Variants in LKAAEAR1 observed in about 807,000 individuals in gnomAD.
The protein encoded by LKAAEAR1 is LKAAEAR motif containing 1.
Under a neutral mutation model 16.5 loss-of-function variants are expected in LKAAEAR1, and 19 were observed. The ratio of observed to expected loss-of-function variants is 1.15; its 90% confidence interval spans 0.80 to 1.69. The LOEUF is 1.69. Ranked by LOEUF, LKAAEAR1 falls within the 40% of genes most tolerant of loss-of-function variation. The pLI, the probability that LKAAEAR1 is intolerant of heterozygous loss-of-function variation, is 0.00. For synonymous variants in LKAAEAR1, 124 were observed against 152.7 expected, an observed-to-expected ratio of 0.81 and a Z score of 1.39; for missense variants, 304 against 315.8, an observed-to-expected ratio of 0.96 and a Z score of 0.28.
In LKAAEAR1 at chr20:64,083,883, C is replaced by A. The variant is rs2060004911; in HGVS notation, c.337G>T (p.Val113Phe). The A allele has an allele frequency of 7.0e-7, 1 of 1,438,532 alleles. No individual in the cohort carries two copies. The highest frequency in any genetic ancestry group is 9.1e-7 in the Non-Finnish European group (1 of 1,102,710). 89.1% of individuals were successfully genotyped at this position (1,438,532 alleles called of 1,614,324 possible). A position where few individuals can be genotyped will look rare whatever the true frequency, so the allele number is the denominator to read the frequency against. ...CCGCGGGCCTCCGCTGCCTTGAGGA[C>A]GCCGAGGAGCCGGTTCTGGCGCTCG... ...PAERQNRLLG[V>F]LKAAEARGRV... The change falls in exon 1 of 3, where the codon GTC becomes TTC. Residue 113 changes from valine to phenylalanine, a missense_variant. By Grantham distance (50) the Val-to-Phe change is conservative (BLOSUM62 -1). Transcript: ENST00000302096. This position sits in a 1 kb window ranked among gnomAD's most constrained non-coding sequence, Gnocchi z 4.9.
chr20:64,084,048 G>A lies in LKAAEAR1; in HGVS notation c.172C>T (p.Gln58Ter), dbSNP rs755866413. 6.7e-7 allele frequency: 1 copy of A among 1,501,082 alleles called. No individual in the cohort carries two copies. The highest frequency in any genetic ancestry group is 8.8e-7 in the Non-Finnish European group (1 of 1,135,518). 93.0% of individuals were successfully genotyped at this position (1,501,082 alleles called of 1,614,324 possible). ...PQGLAAMLPAQRHRHLLFGDL... is the reference protein window; with the variant it reads ...PQGLAAMLPA ...CCGAAGAGCAGATGGCGGTGGCGCT[G>A]CGCAGGGAGCATGGCCGCCAGTCCC... The change falls in exon 1 of 3, where the codon CAG (glutamine) becomes TAG (stop). Residue 58 changes from glutamine (Q) to a stop codon, truncating the protein, a stop_gained. Coordinates refer to ENST00000302096, the MANE Select transcript of LKAAEAR1 (RefSeq NM_001353425.2). LOFTEE classifies it high-confidence loss of function.
At position 64,083,882 on chromosome 20, in the gene LKAAEAR1, A is replaced by G. The variant is rs2060004860; in HGVS notation, c.338T>C (p.Val113Ala). The change falls in exon 1 of 3, where the codon GTC becomes GCC. Residue 113 changes from valine to alanine, a missense_variant. By Grantham distance (64) the Val-to-Ala change is moderately conservative. Transcript: ENST00000302096. The surrounding 1 kb of genome is among the most constrained non-coding windows in gnomAD (Gnocchi z 4.9). ...CCCGCGGGCCTCCGCTGCCTTGAGGACGCCGAGGAGCCGGTTCTGGCGCTC... is the reference window on the plus strand; with the variant it reads ...CCCGCGGGCCTCCGCTGCCTTGAGGGCGCCGAGGAGCCGGTTCTGGCGCTC... ...PAERQNRLLG[V>A]LKAAEARGRV... 5 of 1,438,188 alleles carry G rather than the reference A, an allele frequency of 3.5e-6. No individual in the cohort carries two copies. Among genetic ancestry groups the G allele is most frequent in the African/African-American group, 1.5e-5 (1 of 66,854 alleles). 89.1% of individuals were successfully genotyped at this position (1,438,188 alleles called of 1,614,324 possible). A position where few individuals can be genotyped will look rare whatever the true frequency, so the allele number is the denominator to read the frequency against.
chr20:64,083,965 T>C lies in LKAAEAR1; in HGVS notation c.255A>G (p.Glu85=). The change falls in exon 1 of 3, where the codon GAA becomes GAG. Residue 85 remains glutamate, a synonymous_variant. Transcript: ENST00000302096. The surrounding 1 kb of genome is among the most constrained non-coding windows in gnomAD (Gnocchi z 4.9). ...AASTFPCGSV[E]PGYRMPDPRP... ...GCGGGTCGGGCATGCGGTACCCCGGTTCCACCGACCCGCACGGGAAGGTGG... is the reference window on the plus strand; with the variant it reads ...GCGGGTCGGGCATGCGGTACCCCGGCTCCACCGACCCGCACGGGAAGGTGG... 1 of 1,468,212 alleles carries C rather than the reference T, an allele frequency of 6.8e-7. No individual in the cohort carries two copies. The highest frequency in any genetic ancestry group is 9.0e-7 in the Non-Finnish European group (1 of 1,117,278). The allele number at this position is 1,468,212 out of a possible 1,614,324, so 90.9% of individuals were successfully genotyped here. A position where few individuals can be genotyped will look rare whatever the true frequency, so the allele number is the denominator to read the frequency against.
rs1383888995 is a variant in LKAAEAR1 at position 64,083,591 on chromosome 20, G to C, written c.517C>G (p.Arg173Gly). Reference protein sequence around the residue: ...KPARIPDPLDRQERRRVETIL... With the variant: ...KPARIPDPLDGQERRRVETIL... ...CCGGGGCTTGTCTGCACCTCTTGGC[G>C]GTCCAGGGGGTCCGGGATCCGCGCG... Residue 173 changes from arginine to glycine, a missense_variant, in exon 2 of 3, where the codon CGC becomes GGC. Arg to Gly is a moderately radical substitution (Grantham distance 125). Coordinates refer to ENST00000302096, the MANE Select transcript of LKAAEAR1 (RefSeq NM_001353425.2). This position sits in a 1 kb window ranked among gnomAD's most constrained non-coding sequence, Gnocchi z 4.9. 2 of 1,491,758 alleles carry C rather than the reference G, an allele frequency of 1.3e-6. No individual in the cohort carries two copies. Among genetic ancestry groups the C allele is most frequent in the East Asian group, 2.6e-5 (1 of 38,382 alleles). The allele number at this position is 1,491,758 out of a possible 1,614,324, so 92.4% of individuals were successfully genotyped here. A position where few individuals can be genotyped will look rare whatever the true frequency, so the allele number is the denominator to read the frequency against.
Position 64,083,585 on chromosome 20 carries a change from C to T in LKAAEAR1, c.523G>A (p.Glu175Lys). ...CCCCTACCGGGGCTTGTCTGCACCT[C>T]TTGGCGGTCCAGGGGGTCCGGGATC... ...ARIPDPLDRQ[E>K]RRRVETILEE... Residue 175 changes from glutamate to lysine, a missense_variant and splice_region_variant, in exon 2 of 3, where the codon GAG (glutamate) becomes AAG (lysine). Transcript: ENST00000302096. The surrounding 1 kb of genome is among the most constrained non-coding windows in gnomAD (Gnocchi z 4.9). 1 of 1,510,594 alleles carries T rather than the reference C, an allele frequency of 6.6e-7. No homozygotes were observed. Among genetic ancestry groups the T allele is most frequent in the Non-Finnish European group, 8.9e-7 (1 of 1,128,786 alleles). The allele number at this position is 1,510,594 out of a possible 1,614,324, so 93.6% of individuals were successfully genotyped here. A position where few individuals can be genotyped will look rare whatever the true frequency, so the allele number is the denominator to read the frequency against.
At position 64,084,049 on chromosome 20, in the gene LKAAEAR1, C is replaced by T. The variant is rs898384568; in HGVS notation, c.171G>A (p.Ala57=). The change falls in exon 1 of 3, where the codon GCG becomes GCA. Residue 57 remains alanine, a synonymous_variant. Transcript: ENST00000302096. ...TPQGLAAMLP[A]QRHRHLLFGD... ...CGAAGAGCAGATGGCGGTGGCGCTG[C>T]GCAGGGAGCATGGCCGCCAGTCCCT... The T allele has an allele frequency of 6.7e-7, 1 of 1,501,232 alleles. No individual in the cohort carries two copies. Among genetic ancestry groups the T allele is most frequent in the Non-Finnish European group, 8.8e-7 (1 of 1,135,584 alleles). 93.0% of individuals were successfully genotyped at this position (1,501,232 alleles called of 1,614,324 possible). A position where few individuals can be genotyped will look rare whatever the true frequency, so the allele number is the denominator to read the frequency against.
rs1243672643 is a variant in LKAAEAR1 at position 64,083,719 on chromosome 20, G to A, written c.403-14C>T. 7.3e-7 allele frequency: 1 copy of A among 1,362,770 alleles called. No individual in the cohort carries two copies. The highest frequency in any genetic ancestry group is 3.9e-5 in the Admixed American group (1 of 25,530). 84.4% of individuals were successfully genotyped at this position (1,362,770 alleles called of 1,614,324 possible). A position where few individuals can be genotyped will look rare whatever the true frequency, so the allele number is the denominator to read the frequency against. ...GATCTCCTCGGCCTGCGGGGCCCGG[G>A]TAGCTGAGCGCGCGCCGAGCCCCGC... On this transcript the variant is annotated splice_polypyrimidine_tract_variant and intron_variant, in intron 1 of 2. Coordinates refer to ENST00000302096, the MANE Select transcript of LKAAEAR1 (RefSeq NM_001353425.2). This position sits in a 1 kb window ranked among gnomAD's most constrained non-coding sequence, Gnocchi z 4.9.
At position 64,083,494 on chromosome 20, in the gene LKAAEAR1, G is replaced by T; in HGVS notation, c.526C>A (p.Arg176=). 1.3e-6 allele frequency: 2 copies of T among 1,590,172 alleles called. No homozygotes were observed. The highest frequency in any genetic ancestry group is 8.5e-7 in the Non-Finnish European group (1 of 1,169,692). ...RIPDPLDRQE[R]RRVETILEEN... ...TCCAGGATGGTCTCCACGCGCCTCCGCTGCCGGGGAGAGAGGCTGGGGTCC... is the reference window on the plus strand; with the variant it reads ...TCCAGGATGGTCTCCACGCGCCTCCTCTGCCGGGGAGAGAGGCTGGGGTCC... Residue 176 remains arginine, a splice_region_variant and synonymous_variant, in exon 3 of 3, where the codon CGG becomes AGG. Transcript: ENST00000302096. This position sits in a 1 kb window ranked among gnomAD's most constrained non-coding sequence, Gnocchi z 4.9.
rs1407918553 is a variant in LKAAEAR1 at position 64,083,752 on chromosome 20, C to T, written c.403-47G>A. 1 of 1,336,202 alleles carries T rather than the reference C, an allele frequency of 7.5e-7. No individual in the cohort carries two copies. Among genetic ancestry groups the T allele is most frequent in the Non-Finnish European group, 9.5e-7 (1 of 1,049,574 alleles). 82.8% of individuals were successfully genotyped at this position (1,336,202 alleles called of 1,614,324 possible). A position where few individuals can be genotyped will look rare whatever the true frequency, so the allele number is the denominator to read the frequency against. ...GCGCGCGCCGAGCCCCGCCCCGCCC[C>T]GCCCCGGCCGGCTCCGCTCAACGCT... On this transcript the variant is annotated intron_variant, in intron 1 of 2. Coordinates refer to ENST00000302096, the MANE Select transcript of LKAAEAR1 (RefSeq NM_001353425.2). This position sits in a 1 kb window ranked among gnomAD's most constrained non-coding sequence, Gnocchi z 4.9.
At position 64,084,284 on chromosome 20, in the gene LKAAEAR1, G is replaced by A. The variant is rs1394672419; in HGVS notation, c.-65C>T. 2.3e-6 allele frequency: 3 copies of A among 1,308,706 alleles called. No individual in the cohort carries two copies. The highest frequency in any genetic ancestry group is 1.6e-5 in the African/African-American group (1 of 64,372). 81.1% of individuals were successfully genotyped at this position (1,308,706 alleles called of 1,614,324 possible). ...CCGGGGCTGGCACCGGGCCCTGCCC[G>A]CCCCTCGGCAGGGCCCCAACGTGCG... On this transcript the variant is annotated 5_prime_UTR_variant, in exon 1 of 3. Coordinates refer to ENST00000302096, the MANE Select transcript of LKAAEAR1 (RefSeq NM_001353425.2).
Position 64,084,376 on chromosome 20 carries a change from T to G in LKAAEAR1, c.-157A>C. 7.8e-7 allele frequency: 1 copy of G among 1,278,140 alleles called. No homozygotes were observed. Among genetic ancestry groups the G allele is most frequent in the Non-Finnish European group, 9.9e-7 (1 of 1,014,906 alleles). 79.2% of individuals were successfully genotyped at this position (1,278,140 alleles called of 1,614,324 possible). A position where few individuals can be genotyped will look rare whatever the true frequency, so the allele number is the denominator to read the frequency against. ...GTTCCGCACCCCCAGCCTCTGAGCT[T>G]TGCCCAGGCGCTCTCCCTCTCCCAA... On this transcript the variant is annotated 5_prime_UTR_variant, in exon 1 of 3. Coordinates refer to ENST00000302096, the MANE Select transcript of LKAAEAR1 (RefSeq NM_001353425.2).
At position 64,083,757 on chromosome 20, in the gene LKAAEAR1, C is replaced by G. The variant is rs547432659; in HGVS notation, c.403-52G>C. Reference sequence around the variant, plus strand: ...CGCCGAGCCCCGCCCCGCCCCGCCCCGGCCGGCTCCGCTCAACGCTCCCGG... The same window carrying G: ...CGCCGAGCCCCGCCCCGCCCCGCCCGGGCCGGCTCCGCTCAACGCTCCCGG... On this transcript the variant is annotated intron_variant, in intron 1 of 2. Coordinates refer to ENST00000302096, the MANE Select transcript of LKAAEAR1 (RefSeq NM_001353425.2). This position sits in a 1 kb window ranked among gnomAD's most constrained non-coding sequence, Gnocchi z 4.9. The G allele has an allele frequency of 1.6e-4, 213 of 1,333,392 alleles. No individual in the cohort carries two copies. Among genetic ancestry groups the G allele is most frequent in the Admixed American group, 5.4e-4 (13 of 24,278 alleles). The allele number at this position is 1,333,392 out of a possible 1,614,324, so 82.6% of individuals were successfully genotyped here.
chr20:64,083,912 G>A lies in LKAAEAR1; in HGVS notation c.308C>T (p.Pro103Leu), dbSNP rs991574598. The A allele has an allele frequency of 1.4e-5, 20 of 1,447,334 alleles. No homozygotes were observed. Among genetic ancestry groups the A allele is most frequent in the African/African-American group, 1.0e-4 (7 of 67,358 alleles). The allele number at this position is 1,447,334 out of a possible 1,614,324, so 89.7% of individuals were successfully genotyped here. A position where few individuals can be genotyped will look rare whatever the true frequency, so the allele number is the denominator to read the frequency against. Reference sequence around the variant, plus strand: ...GAGGAGCCGGTTCTGGCGCTCGGCGGGCAGCTCGAGCGACTGCGTCCACGG... The same window carrying A: ...GAGGAGCCGGTTCTGGCGCTCGGCGAGCAGCTCGAGCGACTGCGTCCACGG... ...PRPWTQSLEL[P>L]AERQNRLLGV... Residue 103 changes from proline to leucine, a missense_variant, in exon 1 of 3, where the codon CCC becomes CTC. Transcript: ENST00000302096. The surrounding 1 kb of genome is among the most constrained non-coding windows in gnomAD (Gnocchi z 4.9).
In LKAAEAR1 at chr20:64,083,636, G is replaced by A. The variant is rs1055945116; in HGVS notation, c.472C>T (p.Leu158=). The stretch of plus-strand genomic sequence containing the variant: ...CGCGCGGGCTTCAGCTGCGGCGGCA[G>A]GAACAGCTCCAGCCGGATGGCGGCG... The part of the protein sequence containing the change: ...ARAAIRLELF[L]PPQLKPARIP... Residue 158 remains leucine, a synonymous_variant, in exon 2 of 3, where the codon CTG becomes TTG. Transcript: ENST00000302096. The surrounding 1 kb of genome is among the most constrained non-coding windows in gnomAD (Gnocchi z 4.9). 6 of 1,471,072 alleles carry A rather than the reference G, an allele frequency of 4.1e-6. No individual in the cohort carries two copies. Among genetic ancestry groups the A allele is most frequent in the Non-Finnish European group, 5.4e-6 (6 of 1,114,286 alleles). The allele number at this position is 1,471,072 out of a possible 1,614,324, so 91.1% of individuals were successfully genotyped here.
Position 64,083,680 on chromosome 20 carries a change from T to A in LKAAEAR1, c.428A>T (p.Gln143Leu). The change falls in exon 2 of 3, where the codon CAG (glutamine) becomes CTG (leucine). Residue 143 changes from glutamine (Q) to leucine (L), a missense_variant. Physicochemically the swap from Gln to Leu is moderately radical, Grantham distance 113. Coordinates refer to ENST00000302096, the MANE Select transcript of LKAAEAR1 (RefSeq NM_001353425.2). The surrounding 1 kb of genome is among the most constrained non-coding windows in gnomAD (Gnocchi z 4.9). ...GGCGGCGCGCGCGGACTTCTGCCGC[T>A]GGATGAGCAGCGCGATCTCCTCGGC... is the stretch of plus-strand genomic sequence containing the variant. ...MRAEEIALLIQRQKSARAAIR... is the reference protein window; with the variant it reads ...MRAEEIALLILRQKSARAAIR... The A allele has an allele frequency of 7.0e-7, 1 of 1,424,732 alleles. No homozygotes were observed. Among genetic ancestry groups the A allele is most frequent in the Non-Finnish European group, 9.1e-7 (1 of 1,096,802 alleles). The allele number at this position is 1,424,732 out of a possible 1,614,324, so 88.3% of individuals were successfully genotyped here.
At position 64,084,264 on chromosome 20, in the gene LKAAEAR1, G is replaced by A. The variant is rs2060016470; in HGVS notation, c.-45C>T. On this transcript the variant is annotated 5_prime_UTR_variant, in exon 1 of 3. Coordinates refer to ENST00000302096, the MANE Select transcript of LKAAEAR1 (RefSeq NM_001353425.2). ...AGGAGGGCGTCCCGTCGGTGCCGGGGCTGGCACCGGGCCCTGCCCGCCCCT... is the reference window on the plus strand; with the variant it reads ...AGGAGGGCGTCCCGTCGGTGCCGGGACTGGCACCGGGCCCTGCCCGCCCCT... 7.5e-7 allele frequency: 1 copy of A among 1,339,230 alleles called. No homozygotes were observed. Among genetic ancestry groups the A allele is most frequent in the Non-Finnish European group, 9.5e-7 (1 of 1,050,508 alleles). The allele number at this position is 1,339,230 out of a possible 1,614,324, so 83.0% of individuals were successfully genotyped here. A position where few individuals can be genotyped will look rare whatever the true frequency, so the allele number is the denominator to read the frequency against.
upstream of LKAAEAR1, chr20:64,084,437 C>G: frequency 1.7e-6 from 2 of 1,204,466 alleles, no homozygotes; most frequent in South Asian, 3.0e-5. Context: ...TCGGCTGATC[C>G]TGCTCAGTCC....
In LKAAEAR1 at chr20:64,084,086, G is replaced by A. The variant is rs745746996; in HGVS notation, c.134C>T (p.Ala45Val). 104 of 1,486,862 alleles carry A rather than the reference G, an allele frequency of 7.0e-5. 1 individual carries two copies. Among genetic ancestry groups the A allele is most frequent in the Non-Finnish European group, 8.5e-5 (96 of 1,127,426 alleles). 92.1% of individuals were successfully genotyped at this position (1,486,862 alleles called of 1,614,324 possible). A position where few individuals can be genotyped will look rare whatever the true frequency, so the allele number is the denominator to read the frequency against. Residue 45 changes from alanine (A) to valine (V), a missense_variant, in exon 1 of 3, where the codon GCC becomes GTC. Physicochemically the swap from Ala to Val is moderately conservative, Grantham distance 64. Coordinates refer to ENST00000302096, the MANE Select transcript of LKAAEAR1 (RefSeq NM_001353425.2). ...GGCCGCCAGTCCCTGCGGCGTCAGG[G>A]CCCAGCCCGGCTTGGGGGGCTCTGT... ...PATEPPKPGWALTPQGLAAML... is the reference protein window; with the variant it reads ...PATEPPKPGWVLTPQGLAAML...
upstream of LKAAEAR1, among the ~76,000 whole-genome samples, chr20:64,084,528 G>A (rs1287702350): frequency 6.6e-6 from 1 of 152,224 alleles, no homozygotes; most frequent in Non-Finnish European, 1.5e-5. Flanking sequence ...TTTGAATTGA[G>A]AAAATGCTGA....
Sources: allele counts gnomAD v4.1 joint callset (sites outside exome capture counted in the v4.1 genomes callset), GRCh38; gene constraint gnomAD v4.1.1; non-coding constraint Gnocchi (gnomAD v3.1); transcripts MANE v1.5; gene names NCBI Gene and HGNC (gene_info 2026-07-23, HGNC 2026-07-21).